ARMC7: variants seen among roughly 807,000 people sequenced by gnomAD.
ARMC7 encodes armadillo repeat containing 7, also known as armadillo repeat-containing protein 7.
Under a neutral mutation model 14.8 loss-of-function variants are expected in ARMC7, and 9 were observed. That is an observed-to-expected ratio of 0.61 (90% CI 0.37 to 1.06). The LOEUF (loss-of-function observed/expected upper bound fraction) is 1.06. Among genes scored for constraint, ARMC7 ranks in the 50% least tolerant of loss-of-function variants. The pLI, the probability that ARMC7 is intolerant of heterozygous loss-of-function variation, is 0.01. For synonymous variants in ARMC7, 125 were observed against 123.4 expected, an observed-to-expected ratio of 1.01 and a Z score of -0.09; for missense variants, 262 against 267.1, an observed-to-expected ratio of 0.98 and a Z score of 0.13.
chr17:75,122,058 G>T (rs981524755), intron 2 of ARMC7, among the ~76,000 whole-genome samples: 5 of 152,054 alleles, frequency 3.3e-5, no homozygotes, highest in Admixed American at 6.6e-5. Context: ...ATCTGGCCAG[G>T]TGTGGTGGCT....
chr17:75,111,802 G>A (rs1356053516), intron 2 of ARMC7, among the ~76,000 whole-genome samples: 1 of 151,352 alleles, frequency 6.6e-6, no homozygotes, highest in Non-Finnish European at 1.5e-5. Flanking sequence ...CTTGCAGTCT[G>A]TAACTTATGG....
Position 75,110,231 on chromosome 17 carries a change from C to G in ARMC7, c.-58C>G. ...GCGGGTGAGGGTCTCGCTCGGCTTT[C>G]CCCCTGCACCTTTCCCACCCTCCCG... On this transcript the variant is annotated 5_prime_UTR_variant, in exon 1 of 3. Coordinates refer to ENST00000245543, the MANE Select transcript of ARMC7 (RefSeq NM_024585.4). The G allele has an allele frequency of 6.7e-7, 1 of 1,490,220 alleles. No individual in the cohort carries two copies. The highest frequency in any genetic ancestry group is 2.2e-5 in the Admixed American group (1 of 44,820). 92.3% of individuals were successfully genotyped at this position (1,490,220 alleles called of 1,614,324 possible).
intron 2 of ARMC7, among the ~76,000 whole-genome samples, chr17:75,126,482 G>A (rs1228238953): frequency 6.6e-6 from 1 of 152,018 alleles, no homozygotes; most frequent in Non-Finnish European, 1.5e-5. Flanking sequence ...CACTATATCT[G>A]TCAAATGGTA....
At position 75,130,157 on chromosome 17, in the gene ARMC7, G is replaced by A. The variant is rs2074093677; in HGVS notation, c.*1119G>A. 1 of 276,754 alleles carries A rather than the reference G, an allele frequency of 3.6e-6. No individual in the cohort carries two copies. The highest frequency in any genetic ancestry group is 4.9e-5 in the South Asian group (1 of 20,464). 17.1% of individuals were successfully genotyped at this position (276,754 alleles called of 1,614,324 possible). ...AGGGGACCACTGGACTCAGAGGGGA[G>A]GGAAGGGCTCATCAGCACCCGCTCA... On this transcript the variant is annotated 3_prime_UTR_variant, in exon 3 of 3. Transcript: ENST00000245543.
At chr17:75,117,728 G>A (rs1172503771) in intron 2 of ARMC7, among the ~76,000 whole-genome samples, 1 of 152,206 alleles carries the variant, frequency 6.6e-6, no homozygotes, top group Non-Finnish European at 1.5e-5. Context: ...AGTGGTCAGA[G>A]TGTAGTTTTC....
intron 2 of ARMC7, among the ~76,000 whole-genome samples, chr17:75,111,915 T>C (rs941790477): frequency 1.3e-5 from 2 of 151,228 alleles, no homozygotes; most frequent in Non-Finnish European, 2.9e-5. Flanking sequence ...AATGCTGGAG[T>C]ATGGTGAACA....
intron 2 of ARMC7, among the ~76,000 whole-genome samples, chr17:75,117,836 T>G (rs919347461): frequency 6.6e-6 from 1 of 152,096 alleles, no homozygotes; most frequent in Non-Finnish European, 1.5e-5. Context: ...GATGTTATCT[T>G]TAGGCCGGGT....
At chr17:75,120,144 A>T (rs1236784066) in intron 2 of ARMC7, among the ~76,000 whole-genome samples, 1 of 151,236 alleles carries the variant, frequency 6.6e-6, no homozygotes, top group African/African-American at 2.4e-5. Context: ...ACCTCAGGTG[A>T]TCCACCCTCG....
Position 75,110,614 on chromosome 17 carries a change from C to T in ARMC7, c.235+8C>T, listed in dbSNP as rs2073910422. On this transcript the variant is annotated splice_region_variant and intron_variant, in intron 2 of 2. Transcript: ENST00000245543. ...TGGTGGAGTTTGCTATTGGTAAGGGCGGGGCCCGTTCCCTAGATGCCTAAA... is the reference window on the plus strand; with the variant it reads ...TGGTGGAGTTTGCTATTGGTAAGGGTGGGGCCCGTTCCCTAGATGCCTAAA... The T allele has an allele frequency of 6.2e-7, 1 of 1,614,060 alleles. No homozygotes were observed. Among genetic ancestry groups the T allele is most frequent in the Non-Finnish European group, 8.5e-7 (1 of 1,179,968 alleles).
At chr17:75,121,137 G>A (rs1361345058) in intron 2 of ARMC7, among the ~76,000 whole-genome samples, 1 of 152,082 alleles carries the variant, frequency 6.6e-6, no homozygotes, top group African/African-American at 2.4e-5. Context: ...CCAAATTATT[G>A]CAGTATCATC....
intron 2 of ARMC7, among the ~76,000 whole-genome samples, chr17:75,111,188 C>G (rs1411840711): frequency 6.6e-6 from 1 of 151,502 alleles, no homozygotes; most frequent in East Asian, 2.0e-4. Context: ...CCTGTAATAC[C>G]AGCACCAGCA....
At chr17:75,127,584 G>A (rs1396729119) in intron 2 of ARMC7, among the ~76,000 whole-genome samples, 1 of 151,990 alleles carries the variant, frequency 6.6e-6, no homozygotes, top group Non-Finnish European at 1.5e-5. Context: ...ATAGGCGTGA[G>A]CCACCGCTCC....
At chr17:75,124,547 C>A (rs896012314) in intron 2 of ARMC7, among the ~76,000 whole-genome samples, 2 of 152,188 alleles carry the variant, frequency 1.3e-5, no homozygotes, top group Non-Finnish European at 2.9e-5. Flanking sequence ...ACAGGAAGGC[C>A]GCTCCCGTCA....
intron 2 of ARMC7, among the ~76,000 whole-genome samples, chr17:75,118,316 T>C (rs1197744650): frequency 6.6e-6 from 1 of 152,200 alleles, no homozygotes; most frequent in East Asian, 1.9e-4. Flanking sequence ...ATTTCCATGC[T>C]TGGGGGCCTG....
intron 2 of ARMC7, among the ~76,000 whole-genome samples, chr17:75,115,458 G>C (rs1275360787): frequency 6.6e-6 from 1 of 152,020 alleles, no homozygotes; most frequent in Non-Finnish European, 1.5e-5. Context: ...AGAGTTGCTT[G>C]AACCAGGAGA....
intron 2 of ARMC7, among the ~76,000 whole-genome samples, chr17:75,112,300 C>G (rs371328506): frequency 6.8e-4 from 104 of 152,226 alleles, no homozygotes; most frequent in African/African-American, 2.5e-3. Flanking sequence ...ATTCCTTTTT[C>G]AAGCAATGCA....
chr17:75,112,191 AAG>A (rs2073929051), intron 2 of ARMC7, among the ~76,000 whole-genome samples: 2 of 152,198 alleles, frequency 1.3e-5, no homozygotes, highest in African/African-American at 4.8e-5. Context: ...ATGGCACAAA[AAG>A]AGTTTAGAGA....
intron 2 of ARMC7, among the ~76,000 whole-genome samples, chr17:75,127,552 G>A (rs1287274755): frequency 2.0e-5 from 3 of 152,046 alleles, no homozygotes; most frequent in East Asian, 1.9e-4. Context: ...CACCCACCTC[G>A]GCCTCCCAAA....
intron 2 of ARMC7, among the ~76,000 whole-genome samples, chr17:75,112,292 TC>T (rs2073929773): frequency 6.6e-6 from 1 of 152,070 alleles, no homozygotes; most frequent in Admixed American, 6.6e-5. Flanking sequence ...AAACAAAAAT[TC>T]CTTTTTCAAG....
Sources: allele counts gnomAD v4.1 joint callset (sites outside exome capture counted in the v4.1 genomes callset), GRCh38; gene constraint gnomAD v4.1.1; transcripts MANE v1.5; gene names NCBI Gene and HGNC (gene_info 2026-07-23, HGNC 2026-07-21).